LINGO1: variants seen among roughly 807,000 people sequenced by gnomAD.
The protein encoded by LINGO1 is leucine rich repeat and Ig domain containing 1.
Under a neutral mutation model 37.3 loss-of-function variants are expected in LINGO1, and 11 were observed. The observed-to-expected ratio is 0.29, with a 90% confidence interval of 0.19 to 0.49. The LOEUF (loss-of-function observed/expected upper bound fraction) is 0.49. Ranked by LOEUF, LINGO1 falls within the 20% of genes least tolerant of loss-of-function variation. The pLI is 0.99. For synonymous variants in LINGO1, 387 were observed against 403.0 expected, an observed-to-expected ratio of 0.96 and a Z score of 0.48; for missense variants, 585 against 878.2, an observed-to-expected ratio of 0.67 and a Z score of 4.22.
At position 77,614,125 on chromosome 15, in the gene LINGO1, C is replaced by T. The variant is rs1355814974; in HGVS notation, c.1782G>A (p.Glu594=). 6.2e-6 allele frequency: 10 copies of T among 1,613,868 alleles called. No individual in the cohort carries two copies. Among genetic ancestry groups the T allele is most frequent in the Non-Finnish European group, 8.5e-6 (10 of 1,179,904 alleles). ...RGKGNTKHNI[E]IEYVPRKSDA... ...CCGACTTTCGGGGCACATACTCGAT[C>T]TCGATGTTGTGCTTTGTGTTGCCCT... Residue 594 remains glutamate (E), a synonymous_variant, in exon 2 of 2, where the codon GAG becomes GAA. Coordinates refer to ENST00000355300, the MANE Select transcript of LINGO1 (RefSeq NM_032808.7).
chr15:77,686,577 C>T (rs1296724002), intron 2 of LINGO1, among the ~76,000 whole-genome samples: 2 of 152,124 alleles, frequency 1.3e-5, no homozygotes, highest in Non-Finnish European at 2.9e-5. Context: ...GTGCCCCCAC[C>T]GTCAACCCTC....
In LINGO1 at chr15:77,651,735, C is replaced by T. The variant is rs188041020; in HGVS notation, c.-13+25354G>A. ...TCATACAAACTCAAGAGTGCTTGAT[C>T]GATGAGCAACTCCAGCAAGTGAAGA... On this transcript the variant is annotated intron_variant, in intron 3 of 3. Coordinates refer to the LINGO1 transcript ENST00000559893. 3 of 152,336 alleles carry T rather than the reference C, an allele frequency of 2.0e-5. No individual in the cohort carries two copies. The East Asian group carries it at 5.8e-4, about 29-fold the overall frequency. 9.4% of individuals were successfully genotyped at this position (152,336 alleles called of 1,614,324 possible).
intron 3 of LINGO1, among the ~76,000 whole-genome samples, chr15:77,642,832 C>T (rs1163247299): frequency 1.3e-5 from 2 of 152,228 alleles, no homozygotes; most frequent in Non-Finnish European, 2.9e-5. Flanking sequence ...CGCTTTGAGC[C>T]TCTTCTCCCA....
At chr15:77,645,764 C>T (rs112213417) in intron 3 of LINGO1, among the ~76,000 whole-genome samples, 3 of 152,344 alleles carry the variant, frequency 2.0e-5, no homozygotes, top group African/African-American at 4.8e-5. Context: ...TGAAGCCAGC[C>T]GTGTGCACTG....
intron 2 of LINGO1, among the ~76,000 whole-genome samples, chr15:77,794,335 TATAC>T (rs1194102951): frequency 7.7e-6 from 1 of 129,062 alleles, no homozygotes; most frequent in Admixed American, 8.0e-5. Flanking sequence ...CATATATGTA[TATAC>T]ATACATATAT....
At chr15:77,653,724 C>T (rs148211798) in intron 3 of LINGO1, among the ~76,000 whole-genome samples, 128 of 152,290 alleles carry the variant, frequency 8.4e-4, no homozygotes, top group African/African-American at 2.9e-3. Flanking sequence ...CAAAAGTCTT[C>T]CTGCTCAACT....
upstream of LINGO1, among the ~76,000 whole-genome samples, chr15:77,636,577 C>T (rs768990222): frequency 2.2e-4 from 34 of 152,188 alleles, no homozygotes; most frequent in African/African-American, 7.7e-4. Flanking sequence ...AGGTGGACCC[C>T]GTGTTCTACT....
intron 1 of LINGO1, among the ~76,000 whole-genome samples, chr15:77,801,903 G>A (rs2076922257): frequency 6.6e-6 from 1 of 152,218 alleles, no homozygotes; most frequent in Non-Finnish European, 1.5e-5. Flanking sequence ...TCCCAGGCGA[G>A]GGTCAGGGGT....
At position 77,616,044 on chromosome 15, in the gene LINGO1, C is replaced by T. The variant is rs144955638; in HGVS notation, c.7-144G>A. ...AGAGGCAGGGTCCAGATGCCCAGGC[C>T]AGAGGGCCTCTGGCCTCCTCATGCT... On this transcript the variant is annotated intron_variant, in intron 1 of 1. Coordinates refer to ENST00000355300, the MANE Select transcript of LINGO1 (RefSeq NM_032808.7). 186 of 541,344 alleles carry T rather than the reference C, an allele frequency of 3.4e-4. No homozygotes were observed. The East Asian group carries it at 5.6e-3, about 16-fold the overall frequency. 33.5% of individuals were successfully genotyped at this position (541,344 alleles called of 1,614,324 possible).
chr15:77,636,198 T>C (rs1363135603), upstream of LINGO1, among the ~76,000 whole-genome samples: 1 of 152,164 alleles, frequency 6.6e-6, no homozygotes, highest in Admixed American at 6.5e-5. Context: ...CCTTTCACTC[T>C]GAGAGGCTGA....
intron 3 of LINGO1, among the ~76,000 whole-genome samples, chr15:77,644,050 C>A (rs1308123468): frequency 1.3e-5 from 2 of 152,240 alleles, no homozygotes; most frequent in Non-Finnish European, 2.9e-5. Flanking sequence ...CACTCAGGAG[C>A]CCTCCAGGGG....
intron 1 of LINGO1, among the ~76,000 whole-genome samples, chr15:77,694,126 C>T (rs1278433644): frequency 6.6e-6 from 1 of 152,100 alleles, no homozygotes; most frequent in Non-Finnish European, 1.5e-5. Context: ...TGAGCTTCTT[C>T]AATTCTGTCA....
chr15:77,628,729 T>C (rs1159762047), intron 1 of LINGO1, among the ~76,000 whole-genome samples: 2 of 152,138 alleles, frequency 1.3e-5, no homozygotes, highest in East Asian at 1.9e-4. Context: ...AATGCCTCGA[T>C]TAATTAATTA....
chr15:77,700,502 A>G (rs1013112916), upstream of LINGO1, among the ~76,000 whole-genome samples: 2 of 152,134 alleles, frequency 1.3e-5, no homozygotes, highest in Non-Finnish European at 2.9e-5. Flanking sequence ...CTGTGTGAGT[A>G]CTCAGACAAA....
At chr15:77,638,903 G>C (rs959795054), upstream of LINGO1, among the ~76,000 whole-genome samples, 8 of 152,274 alleles carry the variant, frequency 5.3e-5, no homozygotes, top group East Asian at 7.7e-4. Context: ...TTAGTGAACA[G>C]AATACGGCAG....
At chr15:77,797,818 G>C (rs894163351) in intron 1 of LINGO1, among the ~76,000 whole-genome samples, 3 of 152,216 alleles carry the variant, frequency 2.0e-5, no homozygotes, top group Non-Finnish European at 4.4e-5. Context: ...GCAGAAGATG[G>C]AAAAGCCCTC....
intron 3 of LINGO1, chr15:77,646,243 T>C (rs1157076874): frequency 3.6e-6 from 1 of 280,498 alleles, no homozygotes; most frequent in East Asian, 1.1e-4. Context: ...CAAGGAAATG[T>C]GTCTGGTCCA....
intron 3 of LINGO1, among the ~76,000 whole-genome samples, chr15:77,657,643 A>G (rs760722032): frequency 2.0e-5 from 3 of 152,134 alleles, no homozygotes; most frequent in Non-Finnish European, 4.4e-5. Context: ...AGCCGGGCCC[A>G]GAAGTAGGTC....
At chr15:77,815,817 C>G (rs956396837) in intron 1 of LINGO1, among the ~76,000 whole-genome samples, 1 of 152,152 alleles carries the variant, frequency 6.6e-6, no homozygotes, top group African/African-American at 2.4e-5. Context: ...AACTTCAACG[C>G]TGCAAGCCCT....
Sources: allele counts gnomAD v4.1 joint callset (sites outside exome capture counted in the v4.1 genomes callset), GRCh38; gene constraint gnomAD v4.1.1; transcripts MANE v1.5; gene names NCBI Gene and HGNC (gene_info 2026-07-23, HGNC 2026-07-21).